TMEM116: variants seen among roughly 807,000 people sequenced by gnomAD.
The protein encoded by TMEM116 is transmembrane protein 116.
Under a neutral mutation model 44.3 loss-of-function variants are expected in TMEM116, and 38 were observed. The observed-to-expected ratio is 0.86, with a 90% confidence interval of 0.66 to 1.12. The LOEUF is 1.12. Ranked by LOEUF, TMEM116 falls within the 50% of genes most tolerant of loss-of-function variation. The pLI, the probability that TMEM116 is intolerant of heterozygous loss-of-function variation, is 0.00. For missense variants in TMEM116, 354 were observed against 401.7 expected, an observed-to-expected ratio of 0.88 and a Z score of 1.01; for synonymous variants, 132 against 144.8, an observed-to-expected ratio of 0.91 and a Z score of 0.64.
At chr12:111,948,784 C>A (rs1198790851) in intron 4 of TMEM116, among the ~76,000 whole-genome samples, 1 of 151,964 alleles carries the variant, frequency 6.6e-6, no homozygotes, top group African/African-American at 2.4e-5. Context: ...CCAATAAATT[C>A]TTTTTAAAAA....
chr12:111,936,641 T>A, intron 8 of TMEM116, 51 bp downstream of exon 8: 1 of 1,590,950 alleles, frequency 6.3e-7, no homozygotes, highest in Non-Finnish European at 8.5e-7. Context: ...TACTGGCCCA[T>A]CCCCTTCATT....
At chr12:111,988,704 C>T (rs1158866497) in intron 4 of TMEM116, among the ~76,000 whole-genome samples, 4 of 132,726 alleles carry the variant, frequency 3.0e-5, no homozygotes, top group Non-Finnish European at 6.5e-5. Context: ...TCTCAAAAAA[C>T]GAACAGGCCG....
intron 1 of TMEM116, among the ~76,000 whole-genome samples, chr12:112,008,248 C>T (rs1007149200): frequency 1.4e-4 from 21 of 152,194 alleles, no homozygotes; most frequent in African/African-American, 5.1e-4. Context: ...TTTCGGAGGC[C>T]GAGGCGTGTG....
chr12:111,991,915 T>G, intron 3 of TMEM116, 26 bp from the exon 4 acceptor site: 1 of 1,530,326 alleles, frequency 6.5e-7, no homozygotes, highest in Non-Finnish European at 8.7e-7. Flanking sequence ...AATCCTCATT[T>G]CATATGTGAT....
At chr12:111,991,087 C>T (rs1286434735) in intron 4 of TMEM116, among the ~76,000 whole-genome samples, 2 of 151,572 alleles carry the variant, frequency 1.3e-5, no homozygotes, top group African/African-American at 2.4e-5. Context: ...GGCCTGGTGG[C>T]ACGCGCCTGT....
intron 4 of TMEM116, among the ~76,000 whole-genome samples, chr12:111,947,179 T>C (rs1376514790): frequency 6.6e-6 from 1 of 151,990 alleles, no homozygotes; most frequent in Non-Finnish European, 1.5e-5. Flanking sequence ...AGACTTTTTT[T>C]TTTTTTTTTG....
chr12:111,972,096 A>AAAAAC (rs3030020), intron 4 of TMEM116, among the ~76,000 whole-genome samples: 4 of 147,858 alleles, frequency 2.7e-5, no homozygotes, highest in African/African-American at 1.0e-4. Context: ...AAAAAAAAAA[A>AAAAAC]CCCACCAAAA....
At chr12:111,944,554 G>A (rs1593312531) in intron 4 of TMEM116, among the ~76,000 whole-genome samples, 1 of 152,148 alleles carries the variant, frequency 6.6e-6, no homozygotes, top group African/African-American at 2.4e-5. Context: ...CTGTCTTGGT[G>A]AGCTGAGCGA....
chr12:111,937,587 T>A (rs1163332455), intron 6 of TMEM116, among the ~76,000 whole-genome samples: 2 of 152,202 alleles, frequency 1.3e-5, no homozygotes, highest in African/African-American at 4.8e-5. Flanking sequence ...TCTGTTTTAC[T>A]TTCTATGGTG....
At chr12:112,010,819 T>C (rs931084139) in intron 1 of TMEM116, 1 of 152,322 alleles carries the variant, frequency 6.6e-6, no homozygotes, top group Admixed American at 6.5e-5. Context: ...AGGGTTTTTA[T>C]GGACCTCCGA....
At chr12:111,986,664 C>T (rs2076245614) in intron 4 of TMEM116, among the ~76,000 whole-genome samples, 1 of 151,960 alleles carries the variant, frequency 6.6e-6, no homozygotes, top group Non-Finnish European at 1.5e-5. Flanking sequence ...CAAAAATTAT[C>T]CAGGTGTGGT....
chr12:111,987,847 A>G (rs2136585387), intron 4 of TMEM116, among the ~76,000 whole-genome samples: 1 of 152,342 alleles, frequency 6.6e-6, no homozygotes, highest in South Asian at 2.1e-4. Context: ...AACTGAAAGT[A>G]GGGGATCAAA....
intron 4 of TMEM116, among the ~76,000 whole-genome samples, chr12:111,978,479 A>T (rs1042205806): frequency 1.3e-5 from 2 of 152,216 alleles, no homozygotes; most frequent in African/African-American, 2.4e-5. Context: ...AAGAGGATGT[A>T]CAGAGATATA....
intron 2 of TMEM116, among the ~76,000 whole-genome samples, chr12:112,005,008 T>C (rs1346729411): frequency 6.6e-6 from 1 of 152,208 alleles, no homozygotes; most frequent in Non-Finnish European, 1.5e-5. Flanking sequence ...ACTTTGCTAT[T>C]GATTTTGCAA....
chr12:111,955,718 AC>A (rs558132713), intron 4 of TMEM116, among the ~76,000 whole-genome samples: 88 of 152,350 alleles, frequency 5.8e-4, no homozygotes, highest in African/African-American at 2.1e-3. Context: ...TCAACAGCAG[AC>A]CGCATATAAG....
chr12:112,001,915 C>G (rs143495085), intron 3 of TMEM116, among the ~76,000 whole-genome samples: 518 of 152,218 alleles, frequency 3.4e-3, no homozygotes, highest in Non-Finnish European at 4.2e-3. Flanking sequence ...TGGAGAGGCT[C>G]TGGAACAAGA....
chr12:112,009,460 T>G (rs2077736189), intron 1 of TMEM116, among the ~76,000 whole-genome samples: 1 of 150,054 alleles, frequency 6.7e-6, no homozygotes, highest in Non-Finnish European at 1.5e-5. Context: ...AATAAGATTC[T>G]AGAATGAATT....
chr12:111,988,337 A>G (rs2076342008), intron 4 of TMEM116, among the ~76,000 whole-genome samples: 1 of 152,212 alleles, frequency 6.6e-6, no homozygotes, highest in South Asian at 2.1e-4. Context: ...CATTTTTATC[A>G]TACTTAAAAA....
chr12:111,953,867 A>T (rs1232645856), intron 4 of TMEM116, among the ~76,000 whole-genome samples: 1 of 152,212 alleles, frequency 6.6e-6, no homozygotes, highest in African/African-American at 2.4e-5. Context: ...CTACAAGAAC[A>T]CATTTAAAAC....
Sources: allele counts gnomAD v4.1 joint callset (sites outside exome capture counted in the v4.1 genomes callset), GRCh38; gene constraint gnomAD v4.1.1; transcripts MANE v1.5; gene names NCBI Gene and HGNC (gene_info 2026-07-23, HGNC 2026-07-21).